Variants in CCSER1 observed in about 807,000 individuals in gnomAD.
CCSER1 encodes coiled-coil serine rich protein 1, also known as serine-rich coiled-coil domain-containing protein 1.
Under a neutral mutation model 82.0 loss-of-function variants are expected in CCSER1, and 41 were observed. The observed-to-expected ratio is 0.50, with a 90% CI of 0.39 to 0.65. CCSER1 has a LOEUF of 0.65. Ranked by LOEUF, CCSER1 falls within the 30% of genes least tolerant of loss-of-function variation. The pLI is 0.00. For missense variants in CCSER1, 1,119 were observed against 1,064.2 expected (o/e 1.05, Z -0.72); for synonymous variants, 414 against 383.9 (o/e 1.08, Z -0.92).
intron 9 of CCSER1, among the ~76,000 whole-genome samples, chr4:91,083,261 G>A (rs1370272644): frequency 6.6e-6 from 1 of 152,094 alleles, no homozygotes; most frequent in Non-Finnish European, 1.5e-5. Flanking sequence ...GTCCTTTATA[G>A]GGACATGGAT....
intron 8 of CCSER1, among the ~76,000 whole-genome samples, chr4:90,849,799 A>C (rs1440579307): frequency 6.7e-6 from 1 of 150,142 alleles, no homozygotes; most frequent in Non-Finnish European, 1.5e-5. Flanking sequence ...ATAAAAAAAA[A>C]AAAAAAAAAA....
At chr4:90,230,173 T>C (rs962049197) in intron 1 of CCSER1, among the ~76,000 whole-genome samples, 1 of 152,142 alleles carries the variant, frequency 6.6e-6, no homozygotes, top group African/African-American at 2.4e-5. Context: ...TATACATTTT[T>C]TTCAGCACCA....
intron 10 of CCSER1, among the ~76,000 whole-genome samples, chr4:91,338,491 GA>G (rs1326787262): frequency 6.6e-6 from 1 of 152,008 alleles, no homozygotes; most frequent in Non-Finnish European, 1.5e-5. Context: ...TGAGGGCAAT[GA>G]AAAATGAAAA....
At chr4:90,803,104 T>A (rs867617536) in intron 7 of CCSER1, among the ~76,000 whole-genome samples, 1 of 152,154 alleles carries the variant, frequency 6.6e-6, no homozygotes, top group Non-Finnish European at 1.5e-5. Context: ...AAACTTGATG[T>A]GTTTGAGAAG....
At chr4:91,134,219 G>T (rs1728254955) in intron 10 of CCSER1, among the ~76,000 whole-genome samples, 1 of 152,068 alleles carries the variant, frequency 6.6e-6, no homozygotes, top group Admixed American at 6.6e-5. Flanking sequence ...ATAGCCAGAT[G>T]CTGTCTCTAC....
At chr4:91,051,662 C>A (rs1055575366) in intron 9 of CCSER1, among the ~76,000 whole-genome samples, 16 of 152,118 alleles carry the variant, frequency 1.1e-4, no homozygotes, top group African/African-American at 3.6e-4. Context: ...ATAAAATGCA[C>A]CCTAGAAAGG....
chr4:90,921,934 A>G (rs1728444363), intron 8 of CCSER1, among the ~76,000 whole-genome samples: 1 of 151,994 alleles, frequency 6.6e-6, no homozygotes. Context: ...CTTCATCCCA[A>G]TCAATATGTC....
intron 3 of CCSER1, among the ~76,000 whole-genome samples, chr4:90,334,834 T>G (rs1184350305): frequency 6.6e-6 from 1 of 152,154 alleles, no homozygotes; most frequent in Non-Finnish European, 1.5e-5. Flanking sequence ...TGACTTCAAT[T>G]ATAAAATACC....
intron 8 of CCSER1, among the ~76,000 whole-genome samples, chr4:90,845,980 G>T (rs1763196590): frequency 6.6e-6 from 1 of 151,902 alleles, no homozygotes; most frequent in Non-Finnish European, 1.5e-5. Context: ...TTTTATGAGT[G>T]TTATTAACCA....
At chr4:91,366,267 C>T (rs576318191) in intron 10 of CCSER1, among the ~76,000 whole-genome samples, 5 of 152,234 alleles carry the variant, frequency 3.3e-5, no homozygotes, top group Non-Finnish European at 7.4e-5. Flanking sequence ...GTGGTCCATC[C>T]GCCTCGGCCT....
intron 4 of CCSER1, among the ~76,000 whole-genome samples, chr4:90,409,289 G>C (rs1338462635): frequency 6.6e-6 from 1 of 152,092 alleles, no homozygotes; most frequent in Non-Finnish European, 1.5e-5. Context: ...ACGCCACAAA[G>C]ATAATCCTCG....
intron 9 of CCSER1, among the ~76,000 whole-genome samples, chr4:90,949,116 T>G (rs1402061785): frequency 6.6e-6 from 1 of 152,104 alleles, no homozygotes; most frequent in Non-Finnish European, 1.5e-5. Context: ...CTAACATATT[T>G]AGTACCTCAT....
intron 1 of CCSER1, among the ~76,000 whole-genome samples, chr4:90,174,073 A>G (rs1578326068): frequency 1.3e-5 from 2 of 151,944 alleles, no homozygotes; most frequent in South Asian, 4.1e-4. Flanking sequence ...AGGTTTGTTA[A>G]ATACATAAAA....
At chr4:91,463,411 A>C (rs1320900101) in intron 10 of CCSER1, among the ~76,000 whole-genome samples, 3 of 152,184 alleles carry the variant, frequency 2.0e-5, no homozygotes, top group Non-Finnish European at 4.4e-5. Context: ...TGGGGAAAAA[A>C]CAGAGCAAAA....
At chr4:91,358,369 G>A (rs1749001716) in intron 10 of CCSER1, among the ~76,000 whole-genome samples, 1 of 145,120 alleles carries the variant, frequency 6.9e-6, no homozygotes, top group African/African-American at 2.6e-5. Context: ...AGTGGGGTGG[G>A]CTTACTTTGT....
At chr4:91,074,291 G>A (rs534090069) in intron 9 of CCSER1, among the ~76,000 whole-genome samples, 12 of 152,222 alleles carry the variant, frequency 7.9e-5, no homozygotes, top group African/African-American at 2.9e-4. Context: ...ATGGTGCTTG[G>A]TACATAGAGA....
intron 10 of CCSER1, among the ~76,000 whole-genome samples, chr4:91,274,801 T>C (rs1742289326): frequency 6.6e-6 from 1 of 152,180 alleles, no homozygotes. Flanking sequence ...GGTGCAAGTA[T>C]CTTTTTGAAA....
chr4:91,100,549 G>A (rs530344166), intron 10 of CCSER1, among the ~76,000 whole-genome samples: 251 of 152,074 alleles, frequency 1.7e-3, no homozygotes, highest in African/African-American at 5.9e-3. Flanking sequence ...ATTCCAAATC[G>A]GTTCTGAGGT....
At chr4:91,166,182 G>A (rs10024572) in intron 10 of CCSER1, among the ~76,000 whole-genome samples, 109,654 of 152,152 alleles carry the variant, frequency 0.72, 39,861 homozygotes, top group Non-Finnish European at 0.78. Context: ...AAATTTGGTT[G>A]TATCTAATTG....
Sources: gnomAD v4.1 joint callset for allele counts (sites outside exome capture counted in the v4.1 genomes callset) on GRCh38, gnomAD v4.1.1 for gene constraint, MANE v1.5 for transcripts, NCBI Gene and HGNC (gene_info 2026-07-23, HGNC 2026-07-21) for gene names.